The following VWA8 variants were observed in gnomAD, a reference collection of about 807,000 sequenced individuals.
VWA8 encodes von Willebrand factor A domain containing 8.
VWA8 carries 221 observed loss-of-function variants against 241.5 expected under a neutral mutation model. The ratio of observed to expected loss-of-function variants is 0.91; its 90% CI spans 0.82 to 1.02. The LOEUF (loss-of-function observed/expected upper bound fraction) is 1.02. VWA8 is among the 50% of genes least tolerant of loss of function. VWA8 has a pLI of 0.00. For synonymous variants in VWA8, 852 were observed against 827.1 expected (o/e 1.03, Z -0.52); for missense variants, 2,322 against 2,328.7 (o/e 1.00, Z 0.06).
rs1555303592 is a variant in VWA8 at position 41,573,486 on chromosome 13, A to ATAAATAAATATAT, written c.5370+2253_5370+2254insATATATTTATTTA. 2.0e-3 allele frequency among the ~76,000 whole-genome samples: 230 copies of ATAAATAAATATAT among 113,598 alleles called. 1 individual carries two copies. The highest frequency in any genetic ancestry group is 7.3e-3 in the African/African-American group (213 of 29,194). The allele number at this position is 113,598 out of a possible 152,430, so 74.5% of individuals were successfully genotyped here. A position where few individuals can be genotyped will look rare whatever the true frequency, so the allele number is the denominator to read the frequency against. On this transcript the variant is annotated intron_variant, in intron 43 of 44. Coordinates refer to ENST00000379310, the MANE Select transcript of VWA8 (RefSeq NM_015058.2). ...GGTGGCTATAGTTTAAAAAAAAAAA[A>ATAAATAAATATAT]ATATATATATATATATATATACCTC... is the stretch of plus-strand genomic sequence containing the variant.
intron 37 of VWA8, among the ~76,000 whole-genome samples, chr13:41,639,694 T>C (rs549849778): frequency 6.6e-6 from 1 of 152,290 alleles, no homozygotes; most frequent in South Asian, 2.1e-4. Context: ...TGAGGCATGT[T>C]TGTAAGAACA....
chr13:41,810,478 T>C (rs1870418179), intron 17 of VWA8, among the ~76,000 whole-genome samples: 2 of 152,236 alleles, frequency 1.3e-5, no homozygotes, highest in East Asian at 1.9e-4. Context: ...TGCAACAACA[T>C]GGATGGAACT....
chr13:41,720,435 T>C (rs912393826), intron 25 of VWA8, among the ~76,000 whole-genome samples: 15 of 152,162 alleles, frequency 9.9e-5, no homozygotes, highest in Admixed American at 4.6e-4. Flanking sequence ...AATAACTGTA[T>C]ATATTTATGG....
intron 4 of VWA8, among the ~76,000 whole-genome samples, chr13:41,895,835 T>TTC (rs1555349130): frequency 1.3e-5 from 2 of 150,744 alleles, no homozygotes; most frequent in Non-Finnish European, 3.0e-5. Flanking sequence ...AATTTTCTTT[T>TTC]TTTTTTTTTT....
Position 41,739,827 on chromosome 13 carries a change from GTTT to G in VWA8, c.2427-7675_2427-7673del, listed in dbSNP as rs779464048. 4.0e-3 allele frequency among the ~76,000 whole-genome samples: 358 copies of G among 88,976 alleles called. 3 individuals are homozygous for G. The highest frequency in any genetic ancestry group is 0.011 in the African/African-American group (338 of 29,856). The allele number at this position is 88,976 out of a possible 152,430, so 58.4% of individuals were successfully genotyped here. On this transcript the variant is annotated intron_variant, in intron 21 of 44. Coordinates refer to ENST00000379310, the MANE Select transcript of VWA8 (RefSeq NM_015058.2). The stretch of plus-strand genomic sequence containing the variant: ...TATCTTCCAGTATCATTGTTTTTTT[GTTT>G]TTTTTTTTGTTTTTTTTGTTTTTTT...
chr13:41,772,229 T>G (rs2045829588), intron 20 of VWA8, among the ~76,000 whole-genome samples: 3 of 152,186 alleles, frequency 2.0e-5, no homozygotes, highest in Admixed American at 2.0e-4. Context: ...AATATGGCAC[T>G]TATGGCTGAT....
At chr13:41,610,892 G>A (rs973404567) in intron 39 of VWA8, among the ~76,000 whole-genome samples, 3 of 152,094 alleles carry the variant, frequency 2.0e-5, no homozygotes, top group Admixed American at 6.6e-5. Context: ...GGGAATGTCC[G>A]AGGGCCACAG....
intron 39 of VWA8, among the ~76,000 whole-genome samples, chr13:41,608,008 A>C (rs1201044561): frequency 6.6e-6 from 1 of 152,042 alleles, no homozygotes; most frequent in Non-Finnish European, 1.5e-5. Flanking sequence ...TATGGGTTGT[A>C]GGTGTATACA....
At chr13:41,706,821 T>C (rs2045285731) in intron 26 of VWA8, among the ~76,000 whole-genome samples, 3 of 152,240 alleles carry the variant, frequency 2.0e-5, no homozygotes, top group Admixed American at 2.0e-4. Context: ...TTCCATGGCT[T>C]TAAGACTTTG....
chr13:41,573,576 A>G lies in VWA8; in HGVS notation c.5370+2164T>C, dbSNP rs1250877569. 5.2e-5 allele frequency among the ~76,000 whole-genome samples: 7 copies of G among 135,706 alleles called. 1 individual carries two copies. The highest frequency in any genetic ancestry group is 2.0e-4 in the African/African-American group (7 of 34,718). 89.0% of individuals were successfully genotyped at this position (135,706 alleles called of 152,430 possible). On this transcript the variant is annotated intron_variant, in intron 43 of 44. Transcript: ENST00000379310. ...AATATATACACGTATATATATGTAT[A>G]TATATAAAATATATATACACCTCTA...
chr13:41,639,811 T>C (rs1240036989), intron 37 of VWA8, among the ~76,000 whole-genome samples: 2 of 152,026 alleles, frequency 1.3e-5, no homozygotes, highest in African/African-American at 2.4e-5. Context: ...AACTACCTAT[T>C]GGGTACTATG....
chr13:41,637,707 C>A (rs1369102033), intron 37 of VWA8, among the ~76,000 whole-genome samples: 3 of 152,186 alleles, frequency 2.0e-5, no homozygotes, highest in African/African-American at 7.2e-5. Context: ...CCAACTCAAT[C>A]TTTAAGTATG....
chr13:41,809,660 C>T (rs1208766584), intron 17 of VWA8, among the ~76,000 whole-genome samples: 1 of 152,092 alleles, frequency 6.6e-6, no homozygotes, highest in Middle Eastern at 3.2e-3. Context: ...TAAAAGAAAG[C>T]ATTGGAAAAA....
At chr13:41,809,671 C>T (rs991679206) in intron 17 of VWA8, among the ~76,000 whole-genome samples, 3 of 152,094 alleles carry the variant, frequency 2.0e-5, no homozygotes, top group Non-Finnish European at 1.5e-5. Flanking sequence ...ATTGGAAAAA[C>T]TCTCCAAGAC....
chr13:41,616,974 C>T (rs2044624720), intron 37 of VWA8, among the ~76,000 whole-genome samples: 1 of 152,114 alleles, frequency 6.6e-6, no homozygotes, highest in Admixed American at 6.6e-5. Flanking sequence ...TTTAATAAAT[C>T]TATATGAGTC....
intron 24 of VWA8, among the ~76,000 whole-genome samples, chr13:41,726,753 G>T (rs1233109149): frequency 6.6e-6 from 1 of 152,130 alleles, no homozygotes; most frequent in Non-Finnish European, 1.5e-5. Flanking sequence ...TCAGCACTTT[G>T]GGAAGCCGAG....
chr13:41,568,037 T>C lies in VWA8; in HGVS notation c.*160A>G. 1 of 621,528 alleles carries C rather than the reference T, an allele frequency of 1.6e-6. No homozygotes were observed. The highest frequency in any genetic ancestry group is 2.8e-6 in the Non-Finnish European group (1 of 358,552). 38.5% of individuals were successfully genotyped at this position (621,528 alleles called of 1,614,324 possible). On this transcript the variant is annotated 3_prime_UTR_variant, in exon 45 of 45. Coordinates refer to ENST00000379310, the MANE Select transcript of VWA8 (RefSeq NM_015058.2). ...TTAAGTCTCCTTCTGGCTGCTTCTC[T>C]GAATTCTCATTACGGAGCAAGTGTA...
chr13:41,634,650 T>C (rs905438773), intron 37 of VWA8, among the ~76,000 whole-genome samples: 3 of 152,002 alleles, frequency 2.0e-5, no homozygotes, highest in Admixed American at 2.0e-4. Flanking sequence ...TAACTCTCTG[T>C]GTGATGCCAG....
intron 4 of VWA8, among the ~76,000 whole-genome samples, chr13:41,891,998 A>G (rs1874869064): frequency 6.6e-6 from 1 of 152,222 alleles, no homozygotes; most frequent in South Asian, 2.1e-4. Flanking sequence ...TAAGGATCAA[A>G]AAAGCTAGGT....
Sources: gnomAD v4.1 joint callset for allele counts (sites outside exome capture counted in the v4.1 genomes callset) on GRCh38, gnomAD v4.1.1 for gene constraint, MANE v1.5 for transcripts, NCBI Gene and HGNC (gene_info 2026-07-23, HGNC 2026-07-21) for gene names.